PCCA: variants seen among roughly 807,000 people sequenced by gnomAD.
PCCA encodes propionyl-CoA carboxylase subunit alpha, also known as propionyl-CoA carboxylase alpha chain, mitochondrial.
PCCA carries 74 observed loss-of-function variants against 101.3 expected under a neutral mutation model. The ratio of observed to expected loss-of-function variants is 0.73; its 90% CI spans 0.61 to 0.89. The LOEUF (loss-of-function observed/expected upper bound fraction) is 0.89. PCCA is among the 40% of genes least tolerant of loss of function. The probability of loss-of-function intolerance (pLI) is 0.00; values close to 1 mark genes in which losing one functional copy is unlikely to be tolerated. For synonymous variants in PCCA, 294 were observed against 313.6 expected (o/e 0.94, Z 0.66); for missense variants, 891 against 907.0 (o/e 0.98, Z 0.23).
In PCCA at chr13:100,340,237, C is replaced by A. The variant is rs781184236; in HGVS notation, c.1621C>A (p.Gln541Lys). The part of the protein sequence containing the change: ...SLFVAFQLRA[Q>K]HFQENSRMPV... ...GTTTGTGGCATTCCAGTTAAGAGCA[C>A]AACATTTTCAAGAAAATTCAAGGTA... Residue 541 changes from glutamine to lysine, a missense_variant, in exon 18 of 24, where the codon CAA becomes AAA. Gln to Lys is a moderately conservative substitution (Grantham distance 53, BLOSUM62 1). Coordinates refer to ENST00000376285, the MANE Select transcript of PCCA (RefSeq NM_000282.4). 1.3e-6 allele frequency: 2 copies of A among 1,594,580 alleles called. No homozygotes were observed. Among genetic ancestry groups the A allele is most frequent in the Non-Finnish European group, 1.7e-6 (2 of 1,162,350 alleles).
chr13:100,509,350 C>CT lies in PCCA; in HGVS notation c.1900-6076dup, dbSNP rs79614664. ...TAATCTGCGCCTCAGTGTTGCCTTG[C>CT]TAGTGAGAAAACGTGAGCATGTACT... On this transcript the variant is annotated intron_variant, in intron 21 of 23. Coordinates refer to ENST00000376285, the MANE Select transcript of PCCA (RefSeq NM_000282.4). Among the ~76,000 whole-genome samples, 810 of 152,312 alleles carry CT rather than the reference C, an allele frequency of 5.3e-3. 20 individuals carry two copies. The East Asian group carries it at 0.056, about 11-fold the overall frequency.
At chr13:100,456,951 G>A (rs6491560) in intron 21 of PCCA, among the ~76,000 whole-genome samples, 1 of 151,810 alleles carries the variant, frequency 6.6e-6, no homozygotes, top group East Asian at 1.9e-4. Flanking sequence ...AAGAGACTCC[G>A]TTTCGCGGTC....
intron 4 of PCCA, among the ~76,000 whole-genome samples, chr13:100,152,010 T>C (rs1173380273): frequency 6.6e-6 from 1 of 152,198 alleles, no homozygotes; most frequent in Non-Finnish European, 1.5e-5. Flanking sequence ...AAAAAACACC[T>C]CACACATTTC....
At chr13:100,459,891 CAG>C (rs1566368031) in intron 21 of PCCA, among the ~76,000 whole-genome samples, 1 of 152,210 alleles carries the variant, frequency 6.6e-6, no homozygotes, top group Non-Finnish European at 1.5e-5. Context: ...TCTCCCGTAG[CAG>C]AGAGAGAGTG....
chr13:100,279,485 G>GTT (rs551747174), intron 12 of PCCA, among the ~76,000 whole-genome samples: 1 of 150,634 alleles, frequency 6.6e-6, no homozygotes, highest in African/African-American at 2.4e-5. Context: ...AATCCAATTT[G>GTT]TTTTTTTTTG....
At chr13:100,132,599 T>C (rs1414909527) in intron 4 of PCCA, among the ~76,000 whole-genome samples, 2 of 152,218 alleles carry the variant, frequency 1.3e-5, no homozygotes, top group Non-Finnish European at 2.9e-5. Flanking sequence ...TTTTGACAAT[T>C]ATGAATAGAA....
chr13:100,406,772 A>G (rs1331465117), intron 19 of PCCA, among the ~76,000 whole-genome samples: 1 of 152,216 alleles, frequency 6.6e-6, no homozygotes, highest in Non-Finnish European at 1.5e-5. Context: ...CTAAACAAGG[A>G]TCAGCAATAT....
chr13:100,151,546 C>G (rs943680775), intron 4 of PCCA, among the ~76,000 whole-genome samples: 1 of 151,696 alleles, frequency 6.6e-6, no homozygotes, highest in Non-Finnish European at 1.5e-5. Flanking sequence ...GAGCCGAGAT[C>G]GCGCCATTGC....
intron 6 of PCCA, among the ~76,000 whole-genome samples, chr13:100,203,242 C>G (rs900071612): frequency 1.0e-4 from 15 of 150,142 alleles, no homozygotes; most frequent in African/African-American, 3.4e-4. Context: ...CCACTGCACT[C>G]CAGCCTGGGT....
At chr13:100,511,214 G>A (rs7338308) in intron 21 of PCCA, among the ~76,000 whole-genome samples, 39,926 of 152,072 alleles carry the variant, frequency 0.26, 5,839 homozygotes, top group Middle Eastern at 0.39. Context: ...TTTCAGCCAC[G>A]CCAGTGTTTT....
chr13:100,474,781 G>T (rs1002802538), intron 21 of PCCA, among the ~76,000 whole-genome samples: 2 of 152,016 alleles, frequency 1.3e-5, no homozygotes, highest in Admixed American at 1.3e-4. Flanking sequence ...GTGCCTGGCC[G>T]TATATGTCCA....
chr13:100,282,216 T>C (rs191893779), intron 12 of PCCA, among the ~76,000 whole-genome samples: 38 of 152,334 alleles, frequency 2.5e-4, no homozygotes, highest in Non-Finnish European at 2.9e-5. Flanking sequence ...GTGAATATTT[T>C]CATAGGGCTA....
chr13:100,476,525 G>A (rs1189196921), intron 21 of PCCA, among the ~76,000 whole-genome samples: 1 of 152,148 alleles, frequency 6.6e-6, no homozygotes, highest in Admixed American at 6.5e-5. Flanking sequence ...GCAGAAGTGA[G>A]GAAGAGAAAG....
At chr13:100,093,548 G>A (rs778401637) in intron 1 of PCCA, among the ~76,000 whole-genome samples, 5 of 152,138 alleles carry the variant, frequency 3.3e-5, no homozygotes, top group Admixed American at 6.5e-5. Flanking sequence ...ACTATGGCAC[G>A]TACAGAGGAG....
Position 100,395,408 on chromosome 13 carries a change from G to T in PCCA, c.1746+26834G>T, listed in dbSNP as rs958252053. On this transcript the variant is annotated intron_variant, in intron 19 of 23. Transcript: ENST00000376285. ...TGGCAAGGGATATACCACCATTGAA[G>T]AGATTAAAAATAATCAACAAAGGCT... Among the ~76,000 whole-genome samples, 4 of 152,264 alleles carry T rather than the reference G, an allele frequency of 2.6e-5. No homozygotes were observed. In the East Asian group the frequency reaches 7.7e-4, roughly 29 times the overall value.
At chr13:100,169,287 C>G (rs1043607336) in intron 6 of PCCA, among the ~76,000 whole-genome samples, 1 of 151,738 alleles carries the variant, frequency 6.6e-6, no homozygotes, top group African/African-American at 2.4e-5. Flanking sequence ...ACTAATAATA[C>G]AAAAATTAGC....
intron 8 of PCCA, among the ~76,000 whole-genome samples, chr13:100,249,064 T>G (rs1156373411): frequency 2.0e-5 from 3 of 152,194 alleles, no homozygotes; most frequent in Non-Finnish European, 2.9e-5. Flanking sequence ...GTGTCTTTAT[T>G]CTTTTAAGAA....
chr13:100,345,100 G>A (rs1291925970), intron 18 of PCCA, among the ~76,000 whole-genome samples: 1 of 152,162 alleles, frequency 6.6e-6, no homozygotes, highest in Non-Finnish European at 1.5e-5. Context: ...ATTGAAGTTA[G>A]ACTAATTAAT....
chr13:100,189,251 A>G lies in PCCA; in HGVS notation c.469-20081A>G, dbSNP rs375231687. Reference sequence around the variant, plus strand: ...TTATGGTTGCATAGTATTCCATGGTATATGTATGTGCCACATTTTCTTAAT... The same window carrying G: ...TTATGGTTGCATAGTATTCCATGGTGTATGTATGTGCCACATTTTCTTAAT... On this transcript the variant is annotated intron_variant, in intron 6 of 23. Coordinates refer to ENST00000376285, the MANE Select transcript of PCCA (RefSeq NM_000282.4). Among the ~76,000 whole-genome samples, 130 of 152,234 alleles carry G rather than the reference A, an allele frequency of 8.5e-4. 1 individual carries two copies. Among genetic ancestry groups the G allele is most frequent in the Non-Finnish European group, 1.6e-3 (109 of 68,004 alleles).
Sources: allele counts gnomAD v4.1 joint callset (sites outside exome capture counted in the v4.1 genomes callset), GRCh38; gene constraint gnomAD v4.1.1; transcripts MANE v1.5; gene names NCBI Gene and HGNC (gene_info 2026-07-23, HGNC 2026-07-21).